The following MCF2L variants were observed in gnomAD, a reference collection of about 807,000 sequenced individuals.
MCF2L encodes MCF.2 cell line derived transforming sequence like.
Under a neutral mutation model 153.4 loss-of-function variants are expected in MCF2L, and 97 were observed. The ratio of observed to expected loss-of-function variants is 0.63; its 90% confidence interval spans 0.54 to 0.75. The LOEUF is 0.75. Among genes scored for constraint, MCF2L ranks in the 30% least tolerant of loss-of-function variants. MCF2L has a pLI of 0.00. For synonymous variants in MCF2L, 659 were observed against 632.2 expected (o/e 1.04, Z -0.64); for missense variants, 1,347 against 1,495.2 (o/e 0.90, Z 1.64).
chr13:113,077,698 A>G (rs958873636), intron 13 of MCF2L, among the ~76,000 whole-genome samples: 1 of 152,062 alleles, frequency 6.6e-6, no homozygotes, highest in Non-Finnish European at 1.5e-5. Context: ...TCCGGCGCGC[A>G]TTGCTGGTCC....
intron 4 of MCF2L, among the ~76,000 whole-genome samples, chr13:113,057,945 T>TG (rs2030502561): frequency 7.1e-6 from 1 of 141,022 alleles, no homozygotes; most frequent in Non-Finnish European, 1.5e-5. Context: ...GCTGAGTGTT[T>TG]GGGTGCTGAG....
chr13:112,931,130 T>C (rs908404690), intron 2 of MCF2L, among the ~76,000 whole-genome samples: 11 of 152,094 alleles, frequency 7.2e-5, no homozygotes, highest in African/African-American at 2.7e-4. Context: ...GGCCTCCCAG[T>C]GGGGAGGGAG....
chr13:112,944,999 C>CTTTTT (rs1224216871), intron 2 of MCF2L, among the ~76,000 whole-genome samples: 1 of 81,348 alleles, frequency 1.2e-5, no homozygotes, highest in East Asian at 2.5e-4. Context: ...TTAGGCACCA[C>CTTTTT]TATTTTTTTT....
At chr13:113,090,817 C>G in intron 26 of MCF2L, 2 of 985,448 alleles carry the variant, frequency 2.0e-6, no homozygotes, top group Non-Finnish European at 2.4e-6. Flanking sequence ...AACAAACAAA[C>G]AACAGATTCT....
rs546043728 is a variant in MCF2L, at chr13:112,932,586, T to C, written c.169+30215T>C. Among the ~76,000 whole-genome samples, 225 of 151,928 alleles carry C rather than the reference T, an allele frequency of 1.5e-3. No homozygotes were observed. Among genetic ancestry groups the C allele is most frequent in the Non-Finnish European group, 2.5e-3 (168 of 67,962 alleles). On this transcript the variant is annotated intron_variant, in intron 2 of 29. Coordinates refer to the MCF2L transcript ENST00000375608. This position sits in a 1 kb window ranked among gnomAD's most constrained non-coding sequence, Gnocchi z 4.6. ...ATATTGGAGGACACTGGGGGAGGGG[T>C]GTGTGGGAGCCCTGTTCTATGTCAG... is the stretch of plus-strand genomic sequence containing the variant.
chr13:113,034,904 C>T (rs1445348137), intron 3 of MCF2L, among the ~76,000 whole-genome samples: 2 of 152,078 alleles, frequency 1.3e-5, no homozygotes, highest in East Asian at 1.9e-4. Flanking sequence ...AAGGTCTGCC[C>T]GAGGTGAGGA....
In MCF2L at chr13:113,025,975, T is replaced by G. The variant is rs1406437559; in HGVS notation, c.278+1217T>G. Among the ~76,000 whole-genome samples, 322 of 46,494 alleles carry G rather than the reference T, an allele frequency of 6.9e-3. 6 individuals carry two copies. The highest frequency in any genetic ancestry group is 0.014 in the African/African-American group (168 of 12,064). The allele number at this position is 46,494 out of a possible 152,430, so 30.5% of individuals were successfully genotyped here. A position where few individuals can be genotyped will look rare whatever the true frequency, so the allele number is the denominator to read the frequency against. On this transcript the variant is annotated intron_variant, in intron 3 of 29. Coordinates refer to ENST00000535094, the MANE Select transcript of MCF2L (RefSeq NM_001112732.3). ...TTCCCCGTCATGGGGTCCCCGTGAC[T>G]GTGGGTCGGGGCAGAGTCTCCGTGA...
At chr13:112,933,644 CAA>C (rs1200312135) in intron 2 of MCF2L, among the ~76,000 whole-genome samples, 3 of 152,228 alleles carry the variant, frequency 2.0e-5, no homozygotes, top group African/African-American at 7.2e-5. Flanking sequence ...TAGTAGTGCA[CAA>C]AGATGGAATA....
At chr13:113,005,504 G>T (rs1199597265) in intron 1 of MCF2L, among the ~76,000 whole-genome samples, 2 of 151,702 alleles carry the variant, frequency 1.3e-5, no homozygotes, top group Non-Finnish European at 2.9e-5. Context: ...GGCCATGGTT[G>T]GTTTGTGGTG....
chr13:112,909,348 C>G, intron 2 of MCF2L: 1 of 777,200 alleles, frequency 1.3e-6, no homozygotes, highest in Non-Finnish European at 2.4e-6. Flanking sequence ...TGTCTACAGA[C>G]CCGGCCTCCC....
intron 7 of MCF2L, chr13:113,065,421 T>G (rs1356518796): frequency 5.7e-6 from 2 of 349,002 alleles, no homozygotes; most frequent in Admixed American, 4.4e-5. Flanking sequence ...CTTTTGGCTG[T>G]CTGTGCGGGG....
Position 113,094,495 on chromosome 13 carries a change from G to T in MCF2L, c.2954-19G>T. The T allele has an allele frequency of 6.2e-7, 1 of 1,602,854 alleles. No individual in the cohort carries two copies. Among genetic ancestry groups the T allele is most frequent in the South Asian group, 1.1e-5 (1 of 89,532 alleles). The stretch of plus-strand genomic sequence containing the variant: ...GGCTCATCACCGGGGGGTCCCTCAC[G>T]GGTGTCTGTCTCTCTTAGGTTGGAG... On this transcript the variant is annotated intron_variant, in intron 26 of 29. Transcript: ENST00000535094.
intron 13 of MCF2L, 28 bp downstream of exon 13, chr13:113,077,239 T>G: frequency 6.6e-7 from 1 of 1,512,766 alleles, no homozygotes; most frequent in Non-Finnish European, 8.9e-7. Context: ...GTGCCCCGGG[T>G]GCTGTGGGAC....
intron 17 of MCF2L, among the ~76,000 whole-genome samples, chr13:113,083,684 C>T (rs2034366082): frequency 6.6e-6 from 1 of 152,192 alleles, no homozygotes; most frequent in Non-Finnish European, 1.5e-5. Context: ...GCCTCCAGGG[C>T]CCTGAAAGGT....
At chr13:112,901,858 A>G (rs1409403289) in intron 1 of MCF2L, among the ~76,000 whole-genome samples, 2 of 152,238 alleles carry the variant, frequency 1.3e-5, no homozygotes, top group Non-Finnish European at 2.9e-5. Context: ...CTGGAGAACT[A>G]GGGACGTCTA....
Position 113,028,704 on chromosome 13 carries a change from T to C in MCF2L, c.278+3946T>C, listed in dbSNP as rs977734726. 1.3e-5 allele frequency among the ~76,000 whole-genome samples: 2 copies of C among 152,194 alleles called. No homozygotes were observed. The highest frequency in any genetic ancestry group is 2.1e-4 in the South Asian group (1 of 4,830). On this transcript the variant is annotated intron_variant, in intron 3 of 29. Coordinates refer to ENST00000535094, the MANE Select transcript of MCF2L (RefSeq NM_001112732.3). The surrounding 1 kb of genome is among the most constrained non-coding windows in gnomAD (Gnocchi z 5.4). ...CTATCACCAAACGCTCTAAATCAGA[T>C]CCTGGAAATGCCAGCTTCATTCAGC...
At position 113,084,056 on chromosome 13, in the gene MCF2L, T is replaced by C. The variant is rs750624260; in HGVS notation, c.2050T>C (p.Phe684Leu). ...CTGCCCAGAACTGGTTGGAAGATGC[T>C]TTCTGGAGAGGGTAGGTGGTGTTTT... ...TDCPELVGRC[F>L]LERMEDFQIY... is the part of the protein sequence containing the mutation. The change falls in exon 18 of 30, where the codon TTT (phenylalanine) becomes CTT (leucine). Residue 684 changes from phenylalanine to leucine, a missense_variant. Physicochemically the swap from Phe to Leu is conservative, Grantham distance 22. This residue lies in a region of MCF2L where 820 missense variants were observed against 921.2 expected (regional missense o/e 0.89). Coordinates refer to ENST00000535094, the MANE Select transcript of MCF2L (RefSeq NM_001112732.3). The C allele has an allele frequency of 6.2e-7, 1 of 1,613,858 alleles. No homozygotes were observed. The highest frequency in any genetic ancestry group is 1.1e-5 in the South Asian group (1 of 91,080).
At chr13:112,898,174 C>G (rs1275606742) in intron 1 of MCF2L, among the ~76,000 whole-genome samples, 1 of 152,178 alleles carries the variant, frequency 6.6e-6, no homozygotes, top group Non-Finnish European at 1.5e-5. Context: ...ACCTTCCTAT[C>G]TTTAGTGCCC....
intron 2 of MCF2L, among the ~76,000 whole-genome samples, chr13:112,963,755 A>T (rs1405605004): frequency 3.3e-5 from 5 of 152,190 alleles, no homozygotes; most frequent in African/African-American, 1.2e-4. Context: ...AGGAACCATC[A>T]TCCAACCACC....
Sources: allele counts gnomAD v4.1 joint callset (sites outside exome capture counted in the v4.1 genomes callset), GRCh38; gene constraint gnomAD v4.1.1; regional missense constraint gnomAD v4.1.1; non-coding constraint Gnocchi (gnomAD v3.1); transcripts MANE v1.5; gene names NCBI Gene and HGNC (gene_info 2026-07-23, HGNC 2026-07-21).